GSG1L: variants seen among roughly 807,000 people sequenced by gnomAD.
GSG1L encodes the protein GSG1 like.
GSG1L carries 24 observed loss-of-function variants against 42.1 expected under a neutral mutation model. The observed-to-expected ratio is 0.57, with a 90% CI of 0.41 to 0.80. The LOEUF (loss-of-function observed/expected upper bound fraction) is 0.80, where lower values mean the gene tolerates loss of function less well. Among genes scored for constraint, GSG1L ranks in the 30% least tolerant of loss-of-function variants. GSG1L has a pLI of 0.00. For missense variants in GSG1L, 445 were observed against 472.2 expected, an observed-to-expected ratio of 0.94 and a Z score of 0.53; for synonymous variants, 215 against 203.5, an observed-to-expected ratio of 1.06 and a Z score of -0.48.
chr16:28,039,298 G>C (rs1043946222), intron 1 of GSG1L, among the ~76,000 whole-genome samples: 3 of 152,164 alleles, frequency 2.0e-5, no homozygotes, highest in Non-Finnish European at 4.4e-5. Context: ...CCCCTATGAA[G>C]GTTTCATGTT....
At chr16:28,062,951 G>T in intron 1 of GSG1L, 125 bp downstream of exon 1, 1 of 1,182,270 alleles carries the variant, frequency 8.5e-7, no homozygotes, top group Non-Finnish European at 1.0e-6. Flanking sequence ...CCCTAGCCAG[G>T]CGGAGCGCTG....
chr16:27,906,369 A>G (rs1004396240), intron 2 of GSG1L, among the ~76,000 whole-genome samples: 4 of 152,174 alleles, frequency 2.6e-5, no homozygotes, highest in African/African-American at 7.2e-5. Flanking sequence ...CTTCTCACTC[A>G]GAAGCCATGA....
chr16:27,920,389 C>T (rs947397692), intron 2 of GSG1L, among the ~76,000 whole-genome samples: 1 of 152,176 alleles, frequency 6.6e-6, no homozygotes, highest in Non-Finnish European at 1.5e-5. Context: ...AGCAGGATTA[C>T]TAAGTCATTA....
At chr16:27,943,566 CTTTTT>C (rs11385465) in intron 2 of GSG1L, among the ~76,000 whole-genome samples, 10 of 67,720 alleles carry the variant, frequency 1.5e-4, no homozygotes, top group Non-Finnish European at 2.3e-4. Flanking sequence ...TTCTTTGTTT[CTTTTT>C]TTTTTTTTTT....
chr16:28,053,764 C>T (rs915465389), intron 1 of GSG1L, among the ~76,000 whole-genome samples: 1 of 152,194 alleles, frequency 6.6e-6, no homozygotes, highest in Non-Finnish European at 1.5e-5. Flanking sequence ...TGTGCACACA[C>T]GTGTGTCTCT....
chr16:27,983,475 T>C (rs917653179), intron 1 of GSG1L, among the ~76,000 whole-genome samples: 2 of 152,252 alleles, frequency 1.3e-5, no homozygotes, highest in South Asian at 2.1e-4. Flanking sequence ...AGGTAATACA[T>C]GTGAGGCACG....
chr16:28,049,686 C>CA (rs34371458), intron 1 of GSG1L, among the ~76,000 whole-genome samples: 2,838 of 122,226 alleles, frequency 0.023, 49 homozygotes, highest in East Asian at 0.077. Flanking sequence ...GACCCTGTCT[C>CA]AAAAAAAAAA....
intron 3 of GSG1L, among the ~76,000 whole-genome samples, chr16:27,855,581 G>A (rs1281204764): frequency 6.6e-6 from 1 of 151,984 alleles, no homozygotes; most frequent in Non-Finnish European, 1.5e-5. Context: ...TTAGCCAGGT[G>A]TGGTAGCCGG....
intron 6 of GSG1L, among the ~76,000 whole-genome samples, chr16:27,798,026 C>A (rs1221127164): frequency 6.6e-6 from 1 of 152,040 alleles, no homozygotes; most frequent in African/African-American, 2.4e-5. Flanking sequence ...GGGTGCTCCA[C>A]AGGGGGAGGA....
At chr16:27,990,686 G>C (rs1422913826) in intron 1 of GSG1L, among the ~76,000 whole-genome samples, 3 of 152,178 alleles carry the variant, frequency 2.0e-5, no homozygotes, top group Non-Finnish European at 4.4e-5. Context: ...GGTAGTTTAG[G>C]CACATTTTGA....
chr16:27,892,789 CAAAA>C (rs67758245), intron 2 of GSG1L, among the ~76,000 whole-genome samples: 7 of 96,636 alleles, frequency 7.2e-5, no homozygotes, highest in Admixed American at 1.1e-4. Context: ...GACTCAGTCT[CAAAA>C]AAAAAAAAAA....
intron 2 of GSG1L, among the ~76,000 whole-genome samples, chr16:27,948,860 C>T (rs1013123050): frequency 5.3e-5 from 8 of 150,500 alleles, no homozygotes; most frequent in East Asian, 1.9e-4. Flanking sequence ...CCGCCTGCCT[C>T]GGCCTCCCAA....
At chr16:28,062,185 A>G (rs1391734171) in intron 1 of GSG1L, among the ~76,000 whole-genome samples, 1 of 152,144 alleles carries the variant, frequency 6.6e-6, no homozygotes, top group Non-Finnish European at 1.5e-5. Context: ...GCTGTGTGGC[A>G]CAACCAGCTG....
At chr16:27,994,293 C>T (rs1471782786) in intron 1 of GSG1L, among the ~76,000 whole-genome samples, 8 of 151,706 alleles carry the variant, frequency 5.3e-5, no homozygotes, top group Non-Finnish European at 1.5e-5. Context: ...TTTCTCAGGT[C>T]CCTTGGGGGG....
Position 28,002,942 on chromosome 16 carries a change from A to AG in GSG1L, c.350-39740_350-39739insC, listed in dbSNP as rs1555513380. 6.0e-4 allele frequency among the ~76,000 whole-genome samples: 92 copies of AG among 152,196 alleles called. 1 individual carries two copies. Among genetic ancestry groups the AG allele is most frequent in the Middle Eastern group, 3.4e-3 (1 of 294 alleles). On this transcript the variant is annotated intron_variant, in intron 1 of 6. Transcript: ENST00000447459. ...CAGAGCGAGACTCCGTCTCAGAAAAAAAAGAAAGAAAGAAAGAAAAACAAA... is the reference window on the plus strand; with the variant it reads ...CAGAGCGAGACTCCGTCTCAGAAAAAGAAAGAAAGAAAGAAAGAAAAACAAA...
chr16:27,896,302 C>T (rs2084191455), intron 2 of GSG1L, among the ~76,000 whole-genome samples: 1 of 152,054 alleles, frequency 6.6e-6, no homozygotes, highest in Admixed American at 6.6e-5. Context: ...GTGACTAAGC[C>T]CCTGGGGCTG....
At chr16:27,881,834 A>G (rs1644582) in intron 3 of GSG1L, among the ~76,000 whole-genome samples, 81,848 of 151,886 alleles carry the variant, frequency 0.54, 23,570 homozygotes, top group East Asian at 0.67. Context: ...ACCAGTCCCC[A>G]AGCCCAGCTG....
At chr16:28,041,852 C>A (rs950377596) in intron 1 of GSG1L, among the ~76,000 whole-genome samples, 1 of 152,214 alleles carries the variant, frequency 6.6e-6, no homozygotes, top group African/African-American at 2.4e-5. Flanking sequence ...AGCCTCGTGC[C>A]CTCGCTGGGC....
At chr16:27,946,794 C>T (rs905114796) in intron 2 of GSG1L, among the ~76,000 whole-genome samples, 7 of 152,068 alleles carry the variant, frequency 4.6e-5, no homozygotes, top group African/African-American at 1.2e-4. Context: ...TAGAAATAAA[C>T]GCAAACTGAG....
Sources: allele counts gnomAD v4.1 joint callset (sites outside exome capture counted in the v4.1 genomes callset), GRCh38; gene constraint gnomAD v4.1.1; transcripts MANE v1.5; gene names NCBI Gene and HGNC (gene_info 2026-07-23, HGNC 2026-07-21).